ADPRM: variants seen among roughly 807,000 people sequenced by gnomAD.
The protein encoded by ADPRM is manganese-dependent ADP-ribose/CDP-alcohol diphosphatase.
In ADPRM, 17 loss-of-function variants were observed where a neutral mutation model predicts 27.2. That is an observed-to-expected ratio of 0.63 (90% CI 0.43 to 0.94). The LOEUF is 0.94. Among genes scored for constraint, ADPRM ranks in the 40% least tolerant of loss-of-function variants. ADPRM has a pLI of 0.00. For missense variants in ADPRM, 337 were observed against 412.8 expected (o/e 0.82, Z 1.59); for synonymous variants, 135 against 145.3 (o/e 0.93, Z 0.51).
chr17:10,707,525 G>T (rs2074820838), intron 3 of ADPRM, among the ~76,000 whole-genome samples: 1 of 145,466 alleles, frequency 6.9e-6, no homozygotes, highest in Admixed American at 6.9e-5. Context: ...TCATTACCAG[G>T]GCTTGGATCC....
intron 3 of ADPRM, among the ~76,000 whole-genome samples, chr17:10,707,302 A>T (rs946494135): frequency 5.3e-5 from 8 of 152,154 alleles, no homozygotes; most frequent in Non-Finnish European, 1.0e-4. Context: ...GTGAACCGGG[A>T]GGTGGAGGTT....
At position 10,705,423 on chromosome 17, in the gene ADPRM, A is replaced by G. The variant is rs1412079691; in HGVS notation, c.497A>G (p.Tyr166Cys). The change falls in exon 2 of 4, where the codon TAT (tyrosine) becomes TGT (cysteine). Residue 166 changes from tyrosine (Y) to cysteine (C), a missense_variant. Tyr to Cys is a radical substitution (Grantham distance 194). Transcript: ENST00000379774. This position sits in a 1 kb window ranked among gnomAD's most constrained non-coding sequence, Gnocchi z 5.4. ...PKFRFILLDAYDLSVLGVDQS... is the reference protein window; with the variant it reads ...PKFRFILLDACDLSVLGVDQS... The stretch of plus-strand genomic sequence containing the variant: ...TTCCGGTTCATTTTACTTGATGCAT[A>G]TGACTTGAGTGTCTTGGGCGTGGAT... 1 of 1,614,108 alleles carries G rather than the reference A, an allele frequency of 6.2e-7. No individual in the cohort carries two copies. The highest frequency in any genetic ancestry group is 8.5e-7 in the Non-Finnish European group (1 of 1,180,032).
rs2074783295 is a variant in ADPRM, at chr17:10,702,176, G to A, written c.-17-2734G>A. ...TTCTGGTCCCAAGCATTTTGGATAA[G>A]GAGATACTAACCTTATTTTTAAAAG... On this transcript the variant is annotated intron_variant, in intron 1 of 3. Transcript: ENST00000379774. This position sits in a 1 kb window ranked among gnomAD's most constrained non-coding sequence, Gnocchi z 4.2. Among the ~76,000 whole-genome samples, 1 of 152,188 alleles carries A rather than the reference G, an allele frequency of 6.6e-6. No individual in the cohort carries two copies. Among genetic ancestry groups the A allele is most frequent in the South Asian group, 2.1e-4 (1 of 4,828 alleles).
Position 10,704,958 on chromosome 17 carries a change from G to C in ADPRM, c.32G>C (p.Ser11Thr), listed in dbSNP as rs1262727495. The C allele has an allele frequency of 6.2e-7, 1 of 1,612,536 alleles. No homozygotes were observed. Among genetic ancestry groups the C allele is most frequent in the Non-Finnish European group, 8.5e-7 (1 of 1,179,518 alleles). Residue 11 changes from serine to threonine, a missense_variant, in exon 2 of 4, where the codon AGT (serine) becomes ACT (threonine). Transcript: ENST00000379774. MDDKPNPEAL[S>T]DSSERLFSFG... ...GATAAACCCAATCCTGAAGCCCTAA[G>C]TGACAGTTCAGAGCGTCTTTTCTCC...
chr17:10,704,169 C>A (rs2074797191), intron 1 of ADPRM, among the ~76,000 whole-genome samples: 2 of 151,988 alleles, frequency 1.3e-5, no homozygotes, highest in Non-Finnish European at 2.9e-5. Flanking sequence ...CATAGTGAGA[C>A]CCTGTCAAAA....
At chr17:10,706,627 C>T (rs2074814373) in intron 3 of ADPRM, 73 bp downstream of exon 3, 2 of 1,097,538 alleles carry the variant, frequency 1.8e-6, no homozygotes, top group Non-Finnish European at 2.5e-6. Context: ...AGCATACTAA[C>T]AATATTTGTG....
chr17:10,708,335 A>G (rs2074827701), intron 3 of ADPRM, among the ~76,000 whole-genome samples: 1 of 149,606 alleles, frequency 6.7e-6, no homozygotes, highest in Non-Finnish European at 1.5e-5. Flanking sequence ...AGGCTGAGGC[A>G]GGAGAATCAC....
At chr17:10,697,714 G>A in intron 1 of ADPRM, 47 bp downstream of exon 1, 1 of 671,106 alleles carries the variant, frequency 1.5e-6, no homozygotes, top group Admixed American at 2.5e-5. Flanking sequence ...CGGGCTGGGC[G>A]GTGCTGCGGG....
chr17:10,705,648 G>A lies in ADPRM; in HGVS notation c.601+121G>A. On this transcript the variant is annotated intron_variant, in intron 2 of 3. Transcript: ENST00000379774. This position sits in a 1 kb window ranked among gnomAD's most constrained non-coding sequence, Gnocchi z 5.4. Reference sequence around the variant, plus strand: ...TATATTGTCACTTGTTCAGGGTCAGGATTTCTCACAAGCCTTCTCACATGG... The same window carrying A: ...TATATTGTCACTTGTTCAGGGTCAGAATTTCTCACAAGCCTTCTCACATGG... The A allele has an allele frequency of 7.1e-7, 1 of 1,402,970 alleles. No individual in the cohort carries two copies. Among genetic ancestry groups the A allele is most frequent in the Middle Eastern group, 2.3e-4 (1 of 4,266 alleles). 86.9% of individuals were successfully genotyped at this position (1,402,970 alleles called of 1,614,324 possible). A position where few individuals can be genotyped will look rare whatever the true frequency, so the allele number is the denominator to read the frequency against.
At chr17:10,707,344 A>G (rs1395127089) in intron 3 of ADPRM, among the ~76,000 whole-genome samples, 2 of 152,208 alleles carry the variant, frequency 1.3e-5, no homozygotes, top group East Asian at 3.8e-4. Context: ...ACTGCACTCC[A>G]GCCTGGGTGA....
At chr17:10,703,844 A>C (rs961612098) in intron 1 of ADPRM, among the ~76,000 whole-genome samples, 8 of 152,206 alleles carry the variant, frequency 5.3e-5, no homozygotes, top group African/African-American at 1.9e-4. Flanking sequence ...TTTTGTTTGA[A>C]TCATTAGCGT....
At chr17:10,708,814 A>G (rs2074831652) in intron 3 of ADPRM, among the ~76,000 whole-genome samples, 1 of 152,230 alleles carries the variant, frequency 6.6e-6, no homozygotes, top group Non-Finnish European at 1.5e-5. Flanking sequence ...TGAAGCCCAA[A>G]GAGACTGAAT....
At chr17:10,698,888 G>T (rs1450352118) in intron 1 of ADPRM, 1 of 151,872 alleles carries the variant, frequency 6.6e-6, no homozygotes, top group African/African-American at 2.4e-5. Context: ...TCTTGTAATT[G>T]ACAAAAAGAC....
intron 1 of ADPRM, among the ~76,000 whole-genome samples, chr17:10,700,559 C>G (rs545690924): frequency 6.7e-6 from 1 of 150,190 alleles, no homozygotes; most frequent in Non-Finnish European, 1.5e-5. Context: ...TGAGACCAGC[C>G]TGGGCAACAT....
At chr17:10,703,584 C>T (rs2074793619) in intron 1 of ADPRM, among the ~76,000 whole-genome samples, 1 of 152,110 alleles carries the variant, frequency 6.6e-6, no homozygotes, top group African/African-American at 2.4e-5. Context: ...ATCCTTATTC[C>T]AATTGTGGAG....
At position 10,704,989 on chromosome 17, in the gene ADPRM, C is replaced by T. The variant is rs376218266; in HGVS notation, c.63C>T (p.Gly21=). The change falls in exon 2 of 4, where the codon GGC becomes GGT. Residue 21 remains glycine, a synonymous_variant. Transcript: ENST00000379774. ...SDSSERLFSF[G]VIADVQFADL... is the part of the protein sequence containing the mutation. ...GTTCAGAGCGTCTTTTCTCCTTTGG[C>T]GTCATCGCAGATGTTCAATTTGCAG... is the stretch of plus-strand genomic sequence containing the variant. The T allele has an allele frequency of 9.9e-6, 16 of 1,614,020 alleles. No homozygotes were observed. Among genetic ancestry groups the T allele is most frequent in the Admixed American group, 3.3e-5 (2 of 59,998 alleles).
chr17:10,705,230 G>A lies in ADPRM; in HGVS notation c.304G>A (p.Val102Ile). The change falls in exon 2 of 4, where the codon GTT becomes ATT. Residue 102 changes from valine (V) to isoleucine (I), a missense_variant. Val to Ile is a conservative substitution (Grantham distance 29, BLOSUM62 3). Coordinates refer to ENST00000379774, the MANE Select transcript of ADPRM (RefSeq NM_020233.5). The surrounding 1 kb of genome is among the most constrained non-coding windows in gnomAD (Gnocchi z 5.4). ...TATGGACATGTTCAAGAGGCTTAAA[G>A]TTCCAGTTCATCATACATGGGGAAA... ...LVMDMFKRLK[V>I]PVHHTWGNHE... is the part of the protein sequence containing the mutation. The A allele has an allele frequency of 1.9e-6, 3 of 1,614,074 alleles. No homozygotes were observed. Among genetic ancestry groups the A allele is most frequent in the Non-Finnish European group, 2.5e-6 (3 of 1,180,010 alleles).
At chr17:10,697,792 C>T (rs1433832958) in intron 1 of ADPRM, 125 bp downstream of exon 1, 4 of 418,318 alleles carry the variant, frequency 9.6e-6, no homozygotes, top group Non-Finnish European at 1.6e-5. Context: ...TGGGCCGAGG[C>T]AAGGCGGCCC....
intron 3 of ADPRM, among the ~76,000 whole-genome samples, chr17:10,708,674 A>G (rs2074830974): frequency 6.6e-6 from 1 of 152,160 alleles, no homozygotes; most frequent in Non-Finnish European, 1.5e-5. Context: ...CTCTATAATA[A>G]GTGGTCTCAG....
Sources: gnomAD v4.1 joint callset for allele counts (sites outside exome capture counted in the v4.1 genomes callset) on GRCh38, gnomAD v4.1.1 for gene constraint, Gnocchi (gnomAD v3.1) non-coding constraint, MANE v1.5 for transcripts, NCBI Gene and HGNC (gene_info 2026-07-23, HGNC 2026-07-21) for gene names.